Variants in R3HCC1L observed in about 807,000 individuals in gnomAD.
R3HCC1L encodes the protein coiled-coil domain-containing protein R3HCC1L.
In R3HCC1L, 51 loss-of-function variants were observed where a neutral mutation model predicts 59.9. That is an observed-to-expected ratio of 0.85 (90% confidence interval 0.68 to 1.07). The LOEUF (loss-of-function observed/expected upper bound fraction) is 1.07, where lower values mean the gene tolerates loss of function less well. R3HCC1L is among the 50% of genes least tolerant of loss of function. The pLI is 0.00. For synonymous variants in R3HCC1L, 322 were observed against 315.2 expected (o/e 1.02, Z -0.23); for missense variants, 965 against 933.0 (o/e 1.03, Z -0.45).
intron 2 of R3HCC1L, among the ~76,000 whole-genome samples, chr10:98,160,393 T>A (rs1337126511): frequency 1.3e-5 from 2 of 152,184 alleles, no homozygotes; most frequent in Non-Finnish European, 2.9e-5. Flanking sequence ...TTAATAATAG[T>A]TTATGTTGAT....
chr10:98,212,901 C>A (rs1317320758), intron 5 of R3HCC1L, among the ~76,000 whole-genome samples: 2 of 152,072 alleles, frequency 1.3e-5, no homozygotes, highest in Non-Finnish European at 2.9e-5. Context: ...GAGGCCTTCC[C>A]TTGGTTACAG....
At chr10:98,216,838 C>T (rs1019252046) in intron 5 of R3HCC1L, among the ~76,000 whole-genome samples, 2 of 152,092 alleles carry the variant, frequency 1.3e-5, no homozygotes, top group East Asian at 1.9e-4. Flanking sequence ...CCTCAGCCCC[C>T]CAAAGTGTTG....
chr10:98,194,143 C>G (rs1851161390), intron 4 of R3HCC1L, among the ~76,000 whole-genome samples: 1 of 152,022 alleles, frequency 6.6e-6, no homozygotes, highest in Admixed American at 6.6e-5. Flanking sequence ...GACATATAGA[C>G]CAGTAGCACA....
At chr10:98,220,006 C>A (rs988793390) in intron 5 of R3HCC1L, among the ~76,000 whole-genome samples, 1 of 152,134 alleles carries the variant, frequency 6.6e-6, no homozygotes, top group Non-Finnish European at 1.5e-5. Flanking sequence ...CCGGAACTCC[C>A]AAAATTTAAA....
At chr10:98,229,376 G>A (rs1856076861) in intron 5 of R3HCC1L, among the ~76,000 whole-genome samples, 1 of 133,976 alleles carries the variant, frequency 7.5e-6, no homozygotes, top group African/African-American at 2.6e-5. Flanking sequence ...TCATGATTTG[G>A]CTGTTTGTCT....
chr10:98,235,670 G>A (rs1856854203), intron 8 of R3HCC1L, 150 bp downstream of exon 8: 1 of 740,740 alleles, frequency 1.3e-6, no homozygotes, highest in Admixed American at 3.3e-5. Flanking sequence ...AAATAAAAGG[G>A]AAATGACCAT....
At chr10:98,207,358 A>T (rs10509720) in intron 4 of R3HCC1L, among the ~76,000 whole-genome samples, 2 of 151,952 alleles carry the variant, frequency 1.3e-5, no homozygotes, top group Non-Finnish European at 2.9e-5. Context: ...TCTTCTTGTT[A>T]AATTCCATTG....
intron 5 of R3HCC1L, chr10:98,211,262 T>G (rs2135308462): frequency 7.9e-7 from 1 of 1,266,330 alleles, no homozygotes; most frequent in Non-Finnish European, 1.1e-6. Context: ...TGTTAGAAAT[T>G]CAAATTATTT....
At chr10:98,158,200 T>C (rs1327163791) in intron 2 of R3HCC1L, among the ~76,000 whole-genome samples, 1 of 152,244 alleles carries the variant, frequency 6.6e-6, no homozygotes, top group Non-Finnish European at 1.5e-5. Flanking sequence ...TTTGCCTATG[T>C]ATTTGTGGAC....
At position 98,156,160 on chromosome 10, in the gene R3HCC1L, C is replaced by T. The variant is rs1365929257; in HGVS notation, c.-213+13C>T. 6.6e-6 allele frequency: 1 copy of T among 151,764 alleles called. No homozygotes were observed. The highest frequency in any genetic ancestry group is 1.5e-5 in the Non-Finnish European group (1 of 68,022). The allele number at this position is 151,764 out of a possible 1,614,324, so 9.4% of individuals were successfully genotyped here. On this transcript the variant is annotated intron_variant, in intron 2 of 9. Transcript: ENST00000298999. ...TGCTGTTTTCCTGGTATGATTTCCACTTGTTGTTATCCTTAGATTTTTCTC... is the reference window on the plus strand; with the variant it reads ...TGCTGTTTTCCTGGTATGATTTCCATTTGTTGTTATCCTTAGATTTTTCTC...
At position 98,244,199 on chromosome 10, in the gene R3HCC1L, T is replaced by C; in HGVS notation, c.*41T>C. 1 of 1,572,258 alleles carries C rather than the reference T, an allele frequency of 6.4e-7. No individual in the cohort carries two copies. The highest frequency in any genetic ancestry group is 1.1e-5 in the South Asian group (1 of 90,096). On this transcript the variant is annotated 3_prime_UTR_variant, in exon 10 of 10. Transcript: ENST00000298999. ...AGGGATAATTCCATGAATCAGAAAA[T>C]GTTTCCATAGCCTTCAGATAAGATG...
At chr10:98,231,343 G>A (rs1019153408) in intron 5 of R3HCC1L, among the ~76,000 whole-genome samples, 169 bp from the exon 6 acceptor site, 3 of 152,136 alleles carry the variant, frequency 2.0e-5, no homozygotes, top group Admixed American at 6.5e-5. Context: ...TGGGCGATAA[G>A]CACCTGATCA....
intron 1 of R3HCC1L, among the ~76,000 whole-genome samples, chr10:98,139,857 T>A (rs963135520): frequency 2.0e-5 from 3 of 151,964 alleles, no homozygotes; most frequent in African/African-American, 7.3e-5. Flanking sequence ...TATCTTTTTT[T>A]TTAATGCCAG....
intron 1 of R3HCC1L, among the ~76,000 whole-genome samples, chr10:98,151,905 G>T (rs948585641): frequency 2.0e-5 from 3 of 151,640 alleles, no homozygotes; most frequent in African/African-American, 7.3e-5. Flanking sequence ...ATTCCAGCTC[G>T]CTCTCTCTCT....
chr10:98,242,924 T>C (rs1050999331), intron 9 of R3HCC1L, among the ~76,000 whole-genome samples: 1 of 152,214 alleles, frequency 6.6e-6, no homozygotes, highest in African/African-American at 2.4e-5. Context: ...CCTGCCTCAG[T>C]TCCAGGGCAT....
At chr10:98,210,978 A>C (rs1458467139) in intron 5 of R3HCC1L, among the ~76,000 whole-genome samples, 10 of 152,178 alleles carry the variant, frequency 6.6e-5, no homozygotes. Context: ...AAGCAATCCC[A>C]CCTCATTCGT....
intron 1 of R3HCC1L, among the ~76,000 whole-genome samples, chr10:98,141,866 G>C (rs1409340295): frequency 6.6e-6 from 1 of 152,212 alleles, no homozygotes; most frequent in African/African-American, 2.4e-5. Flanking sequence ...GATTCAAGGA[G>C]AGAGTGACAG....
At chr10:98,162,672 T>TTGTGTGTG (rs138697556) in intron 2 of R3HCC1L, among the ~76,000 whole-genome samples, 5 of 148,114 alleles carry the variant, frequency 3.4e-5, no homozygotes, top group Admixed American at 2.7e-4. Flanking sequence ...GTGTGTGTGT[T>TTGTGTGTG]TGTGTGTGTG....
In R3HCC1L at chr10:98,240,636, T is replaced by C. The variant is rs1857427356; in HGVS notation, c.2270-3455T>C. ...ACTTCAAACCATCTCTATAAGATAGTAATAAATTTAATCACAGTTCATACC... is the reference window on the plus strand; with the variant it reads ...ACTTCAAACCATCTCTATAAGATAGCAATAAATTTAATCACAGTTCATACC... On this transcript the variant is annotated intron_variant, in intron 9 of 9. Coordinates refer to ENST00000298999, the MANE Select transcript of R3HCC1L (RefSeq NM_001351015.2). Among the ~76,000 whole-genome samples, 2 of 152,228 alleles carry C rather than the reference T, an allele frequency of 1.3e-5. 1 individual carries two copies. Among genetic ancestry groups the C allele is most frequent in the Non-Finnish European group, 2.9e-5 (2 of 68,046 alleles).
Sources: gnomAD v4.1 joint callset for allele counts (sites outside exome capture counted in the v4.1 genomes callset) on GRCh38, gnomAD v4.1.1 for gene constraint, MANE v1.5 for transcripts, NCBI Gene and HGNC (gene_info 2026-07-23, HGNC 2026-07-21) for gene names.